The following PMM2 variants were observed in gnomAD, a reference collection of about 807,000 sequenced individuals.
PMM2 encodes the protein phosphomannomutase 2, also known as mannose-6-phosphate isomerase.
In PMM2, 35 loss-of-function variants were observed where a neutral mutation model predicts 33.2. The observed-to-expected ratio is 1.06, with a 90% CI of 0.81 to 1.40. PMM2 has a LOEUF of 1.40. Ranked by LOEUF, PMM2 falls within the 40% of genes most tolerant of loss-of-function variation. The pLI is 0.00. For missense variants in PMM2, 386 were observed against 306.0 expected, an observed-to-expected ratio of 1.26 and a Z score of -1.95; for synonymous variants, 153 against 114.7, an observed-to-expected ratio of 1.33 and a Z score of -2.13.
At chr16:8,825,900 C>T (rs1003280907) in intron 7 of PMM2, among the ~76,000 whole-genome samples, 1 of 151,834 alleles carries the variant, frequency 6.6e-6, no homozygotes, top group Non-Finnish European at 1.5e-5. Context: ...GGACTACAGG[C>T]GTGTGCCACC....
chr16:8,841,678 A>G (rs2060891826), intron 7 of PMM2, among the ~76,000 whole-genome samples: 3 of 141,264 alleles, frequency 2.1e-5, no homozygotes, highest in Admixed American at 7.2e-5. Context: ...ACCGCCATCA[A>G]TAAATCAAGC....
chr16:8,840,446 T>G (rs976485943), intron 7 of PMM2, among the ~76,000 whole-genome samples: 11 of 151,504 alleles, frequency 7.3e-5, no homozygotes, highest in Admixed American at 5.9e-4. Context: ...GAATGGAGAA[T>G]AGGAGTATGA....
At chr16:8,817,053 G>A (rs1158326455) in intron 7 of PMM2, among the ~76,000 whole-genome samples, 1 of 152,160 alleles carries the variant, frequency 6.6e-6, no homozygotes, top group Non-Finnish European at 1.5e-5. Flanking sequence ...CAAGTAGCTG[G>A]AATTAGAGGC....
At chr16:8,840,860 A>G (rs926671593) in intron 7 of PMM2, among the ~76,000 whole-genome samples, 1 of 151,936 alleles carries the variant, frequency 6.6e-6, no homozygotes, top group African/African-American at 2.4e-5. Context: ...GTGTCTTCAT[A>G]TGGCTGGGGA....
intron 3 of PMM2, among the ~76,000 whole-genome samples, chr16:8,805,520 T>C (rs1043280411): frequency 2.0e-5 from 3 of 152,168 alleles, no homozygotes; most frequent in African/African-American, 7.2e-5. Flanking sequence ...CCACCAAGCC[T>C]GGCTTTAAAT....
intron 7 of PMM2, among the ~76,000 whole-genome samples, chr16:8,843,748 A>G (rs946460127): frequency 5.3e-5 from 8 of 152,254 alleles, no homozygotes; most frequent in African/African-American, 1.9e-4. Context: ...TAATTTTTGG[A>G]GTTTTATTTA....
intron 7 of PMM2, among the ~76,000 whole-genome samples, chr16:8,838,691 G>T (rs1462980260): frequency 6.6e-6 from 1 of 151,926 alleles, no homozygotes; most frequent in African/African-American, 2.4e-5. Flanking sequence ...GAAGATCCAA[G>T]GTCCAAATAA....
intron 7 of PMM2, among the ~76,000 whole-genome samples, chr16:8,834,910 A>G (rs1471085280): frequency 6.6e-6 from 1 of 152,118 alleles, no homozygotes; most frequent in African/African-American, 2.4e-5. Context: ...GTGGGAGGCC[A>G]GATTGAGGTC....
At chr16:8,813,209 C>T (rs1236685387) in intron 7 of PMM2, 103 bp downstream of exon 7, 4 of 807,056 alleles carry the variant, frequency 5.0e-6, no homozygotes, top group Non-Finnish European at 8.8e-6. Flanking sequence ...TACCCACCCG[C>T]CCTGCTCAAA....
intron 2 of PMM2, among the ~76,000 whole-genome samples, chr16:8,804,022 G>GTTTT (rs770345977): frequency 1.2e-4 from 3 of 25,992 alleles, no homozygotes; most frequent in African/African-American, 2.6e-4. Context: ...TGTTTTTTGG[G>GTTTT]TTTTTTTTGT....
At chr16:8,842,988 G>A (rs2060900045) in intron 7 of PMM2, among the ~76,000 whole-genome samples, 1 of 152,182 alleles carries the variant, frequency 6.6e-6, no homozygotes, top group Admixed American at 6.5e-5. Flanking sequence ...GGGTTGGGGA[G>A]AAGGGCGGCA....
chr16:8,799,052 C>T (rs1055841932), intron 1 of PMM2, among the ~76,000 whole-genome samples: 5 of 152,134 alleles, frequency 3.3e-5, no homozygotes, highest in Admixed American at 2.0e-4. Context: ...TCTAAAACTC[C>T]GGTCCCCAAT....
rs1596489936 is a variant in PMM2 at position 8,813,105 on chromosome 16, C to T, written c.638C>T (p.Pro213Leu). ...TATTTCTTTGGAGACAAAACTATGCCAGTAAGTAGAGAAGTGTTTGTGCAC... is the reference window on the plus strand; with the variant it reads ...TATTTCTTTGGAGACAAAACTATGCTAGTAAGTAGAGAAGTGTTTGTGCAC... ...TIYFFGDKTM[P>L]GGNDHEIFTD... The change falls in exon 7 of 8, where the codon CCA becomes CTA. Residue 213 changes from proline to leucine, a missense_variant and splice_region_variant. Physicochemically the swap from Pro to Leu is moderately conservative, Grantham distance 98. Transcript: ENST00000268261. 6.4e-7 allele frequency: 1 copy of T among 1,554,888 alleles called. No individual in the cohort carries two copies. Among genetic ancestry groups the T allele is most frequent in the East Asian group, 2.2e-5 (1 of 44,596 alleles).
At chr16:8,847,040 T>C (rs11861671) in intron 7 of PMM2, among the ~76,000 whole-genome samples, 21,981 of 151,976 alleles carry the variant, frequency 0.14, 1,671 homozygotes, top group East Asian at 0.24. Context: ...ATTTTTGTAT[T>C]TTAAGTAGAA....
intron 7 of PMM2, among the ~76,000 whole-genome samples, chr16:8,823,747 A>G (rs2060750984): frequency 6.6e-6 from 1 of 152,170 alleles, no homozygotes; most frequent in Admixed American, 6.5e-5. Flanking sequence ...TCATGGTCCT[A>G]AGATAATTTG....
intron 7 of PMM2, among the ~76,000 whole-genome samples, chr16:8,843,673 C>G (rs966198060): frequency 2.0e-5 from 3 of 152,088 alleles, no homozygotes; most frequent in Non-Finnish European, 2.9e-5. Flanking sequence ...CAACTTTTTT[C>G]TATTATTGTA....
chr16:8,834,825 A>C (rs4328440), intron 7 of PMM2, among the ~76,000 whole-genome samples: 2 of 146,626 alleles, frequency 1.4e-5, no homozygotes, highest in African/African-American at 5.0e-5. Flanking sequence ...AGAAGGAAAT[A>C]TGGGGAAATG....
intron 4 of PMM2, chr16:8,808,416 T>TTAA (rs945328522): frequency 1.3e-4 from 19 of 151,700 alleles, no homozygotes; most frequent in African/African-American, 4.6e-4. Flanking sequence ...AGCGTATCAT[T>TTAA]TAGCGAGGGA....
chr16:8,831,657 C>G (rs1016844450), intron 7 of PMM2, among the ~76,000 whole-genome samples: 1 of 152,240 alleles, frequency 6.6e-6, no homozygotes, highest in Non-Finnish European at 1.5e-5. Context: ...ATAGATCACA[C>G]TGTTCCTCTC....
Sources: allele counts gnomAD v4.1 joint callset (sites outside exome capture counted in the v4.1 genomes callset), GRCh38; gene constraint gnomAD v4.1.1; transcripts MANE v1.5; gene names NCBI Gene and HGNC (gene_info 2026-07-23, HGNC 2026-07-21).